The following TENM1 variants were observed in gnomAD, a reference collection of about 807,000 sequenced individuals.
TENM1 encodes teneurin transmembrane protein 1, also known as teneurin-1.
Under a neutral mutation model 174.8 loss-of-function variants are expected in TENM1, and 35 were observed. The observed-to-expected ratio is 0.20, with a 90% CI of 0.15 to 0.27. The LOEUF (loss-of-function observed/expected upper bound fraction) is 0.27, where lower values mean the gene tolerates loss of function less well. Ranked by LOEUF, TENM1 falls within the 10% of genes least tolerant of loss-of-function variation. The pLI is 1.00. For missense variants in TENM1, 1,633 were observed against 2,130.1 expected (o/e 0.77, Z 4.59); for synonymous variants, 781 against 798.7 (o/e 0.98, Z 0.37).
intron 3 of TENM1, among the ~76,000 whole-genome samples, chrX:124,792,762 A>G (rs192219902): frequency 1.8e-4 from 20 of 112,599 alleles, no homozygotes; most frequent in Non-Finnish European, 3.6e-4. Flanking sequence ...TGATTACAGC[A>G]AAGTTTCAAG....
At chrX:124,457,708 A>G (rs1310435565) in intron 22 of TENM1, among the ~76,000 whole-genome samples, 2 of 111,824 alleles carry the variant, frequency 1.8e-5, no homozygotes, top group African/African-American at 6.5e-5. Context: ...GGTGCTTAAT[A>G]GCCTGGAAAT....
intron 16 of TENM1, among the ~76,000 whole-genome samples, chrX:124,526,767 C>G (rs766579499): frequency 3.6e-5 from 4 of 112,373 alleles, no homozygotes; most frequent in African/African-American, 1.3e-4. Flanking sequence ...GCTTATCTCT[C>G]TCTGCCTCAT....
chrX:125,032,764 C>T, the TENM1 span, among the ~76,000 whole-genome samples: 1 of 111,674 alleles, frequency 9.0e-6, no homozygotes, highest in Non-Finnish European at 1.9e-5. Context: ...TTAAGCACAT[C>T]CCAATACAAT....
intron 1 of TENM1, among the ~76,000 whole-genome samples, chrX:124,902,555 T>C (rs954574209): frequency 3.6e-5 from 4 of 112,545 alleles, no homozygotes; most frequent in African/African-American, 1.3e-4. Flanking sequence ...CAATGGATTA[T>C]TACAATCTTA....
At chrX:124,575,238 C>G (rs993285550) in intron 11 of TENM1, among the ~76,000 whole-genome samples, 2 of 111,933 alleles carry the variant, frequency 1.8e-5, no homozygotes, top group African/African-American at 6.5e-5. Context: ...GGATAAGTAT[C>G]ACGTTTTCTA....
At chrX:124,462,438 GGT>G (rs1195116897) in intron 22 of TENM1, among the ~76,000 whole-genome samples, 172 of 88,745 alleles carry the variant, frequency 1.9e-3, no homozygotes, top group African/African-American at 5.6e-3. Context: ...GTGTGGGGGG[GGT>G]GGGGGTGGGG....
intron 14 of TENM1, among the ~76,000 whole-genome samples, chrX:124,560,191 TTGTG>T (rs375476919): frequency 0.05 from 4,372 of 88,105 alleles, 95 homozygotes; most frequent in Non-Finnish European, 0.061. Flanking sequence ...TCTCTTCTAT[TTGTG>T]TGTGTGTGTG....
At chrX:125,191,769 T>C in the TENM1 span, among the ~76,000 whole-genome samples, 12 of 111,956 alleles carry the variant, frequency 1.1e-4, no homozygotes, top group Admixed American at 1.1e-3. Context: ...GGATCTATCA[T>C]ATACTTCTAT....
intron 4 of TENM1, among the ~76,000 whole-genome samples, chrX:124,728,771 G>T (rs1394617273): frequency 9.0e-6 from 1 of 111,638 alleles, no homozygotes; most frequent in Non-Finnish European, 1.9e-5. Context: ...GGTTAAATAT[G>T]AAGATGCTAG....
At chrX:124,478,520 T>G (rs1160741164) in intron 22 of TENM1, among the ~76,000 whole-genome samples, 4 of 112,505 alleles carry the variant, frequency 3.6e-5, no homozygotes, top group Non-Finnish European at 7.5e-5. Context: ...AGAGAGTAAA[T>G]TAGCTGTCGT....
chrX:124,987,692 T>A, the TENM1 span, among the ~76,000 whole-genome samples: 3 of 99,669 alleles, frequency 3.0e-5, no homozygotes, highest in African/African-American at 1.1e-4. Flanking sequence ...TGACCACATG[T>A]TCTGCATTTT....
the TENM1 span, among the ~76,000 whole-genome samples, chrX:125,067,160 G>A: frequency 9.0e-6 from 1 of 111,057 alleles, no homozygotes; most frequent in African/African-American, 3.3e-5. Flanking sequence ...CTCACCATAA[G>A]AGAACCTTGG....
At chrX:124,655,130 C>G (rs1263424124) in intron 6 of TENM1, among the ~76,000 whole-genome samples, 1 of 111,283 alleles carries the variant, frequency 9.0e-6, no homozygotes, top group Non-Finnish European at 1.9e-5. Flanking sequence ...CAGCCCACAC[C>G]CTGAGAAGCA....
exon 30 of TENM1, chrX:124,384,792 C>A (rs888709445): frequency 8.3e-7 from 1 of 1,210,505 alleles, no homozygotes; most frequent in Non-Finnish European, 1.1e-6. Flanking sequence ...TAGCTGTAGT[C>A]GAACCGTGCA....
chrX:124,598,723 G>A (rs767671361), intron 11 of TENM1, among the ~76,000 whole-genome samples: 1 of 111,367 alleles, frequency 9.0e-6, no homozygotes, highest in Non-Finnish European at 1.9e-5. Context: ...GGAGTAGAAG[G>A]ATGGTTACCA....
At chrX:125,157,010 C>T in the TENM1 span, among the ~76,000 whole-genome samples, 1 of 112,393 alleles carries the variant, frequency 8.9e-6, no homozygotes, top group Admixed American at 9.4e-5. Flanking sequence ...CAAATGATGG[C>T]TCCTATCCTC....
the TENM1 span, among the ~76,000 whole-genome samples, chrX:125,021,031 T>A: frequency 9.0e-6 from 1 of 110,775 alleles, no homozygotes; most frequent in African/African-American, 3.3e-5. Flanking sequence ...TAATTGTAAA[T>A]AAATTGCCAA....
chrX:124,808,641 A>G (rs1049101008), intron 3 of TENM1, among the ~76,000 whole-genome samples: 2 of 112,168 alleles, frequency 1.8e-5, no homozygotes, highest in Non-Finnish European at 3.8e-5. Context: ...TCTGACCTCA[A>G]TGGTATAAAA....
At chrX:124,438,021 A>C (rs1173429600) in intron 23 of TENM1, among the ~76,000 whole-genome samples, 1 of 112,182 alleles carries the variant, frequency 8.9e-6, no homozygotes, top group Non-Finnish European at 1.9e-5. Context: ...TAATTAATAG[A>C]GAGTGGGAGT....
Sources: allele counts gnomAD v4.1 joint callset (sites outside exome capture counted in the v4.1 genomes callset), GRCh38; gene constraint gnomAD v4.1.1; transcripts MANE v1.5; gene names NCBI Gene and HGNC (gene_info 2026-07-23, HGNC 2026-07-21).